Variants in STPG2 observed in about 807,000 individuals in gnomAD.
The protein encoded by STPG2 is sperm-tail PG-rich repeat-containing protein 2.
In STPG2, 56 loss-of-function variants were observed where a neutral mutation model predicts 54.2. The observed-to-expected ratio is 1.03, with a 90% CI of 0.83 to 1.29. STPG2 has a LOEUF of 1.29. Ranked by LOEUF, STPG2 falls within the 50% of genes most tolerant of loss-of-function variation. The pLI, the probability that STPG2 is intolerant of heterozygous loss-of-function variation, is 0.00. For missense variants in STPG2, 596 were observed against 544.9 expected (o/e 1.09, Z -0.93); for synonymous variants, 200 against 181.8 (o/e 1.10, Z -0.81).
intron 10 of STPG2, among the ~76,000 whole-genome samples, chr4:97,634,160 G>A (rs1306287960): frequency 1.3e-5 from 2 of 152,310 alleles, no homozygotes; most frequent in Non-Finnish European, 2.9e-5. Flanking sequence ...CGGGCAGACT[G>A]CCTCCTCAAG....
intron 5 of STPG2, among the ~76,000 whole-genome samples, chr4:98,037,204 T>C (rs1736806081): frequency 6.6e-6 from 1 of 151,962 alleles, no homozygotes; most frequent in African/African-American, 2.4e-5. Flanking sequence ...AAACCAAAAA[T>C]GGAGAACACA....
chr4:97,881,869 CA>C (rs1428415840), intron 8 of STPG2, among the ~76,000 whole-genome samples: 2 of 152,126 alleles, frequency 1.3e-5, no homozygotes, highest in Non-Finnish European at 2.9e-5. Flanking sequence ...TTTTTAATTT[CA>C]AAACTGATTT....
chr4:97,929,821 A>G (rs1445802037), intron 8 of STPG2, among the ~76,000 whole-genome samples: 1 of 152,158 alleles, frequency 6.6e-6, no homozygotes, highest in African/African-American at 2.4e-5. Context: ...CCCATTCTGT[A>G]GGCTGTCTGC....
intron 9 of STPG2, among the ~76,000 whole-genome samples, chr4:97,761,653 T>A (rs1174933410): frequency 6.6e-6 from 1 of 152,154 alleles, no homozygotes; most frequent in Admixed American, 6.5e-5. Flanking sequence ...CATGGATATC[T>A]TGGGAAGCTA....
intron 7 of STPG2, among the ~76,000 whole-genome samples, chr4:97,950,411 T>A (rs541801165): frequency 1.3e-5 from 2 of 152,224 alleles, no homozygotes; most frequent in Non-Finnish European, 2.9e-5. Flanking sequence ...CCACATTTTG[T>A]AATTCCCTAA....
At chr4:98,072,522 C>T (rs568479678) in intron 5 of STPG2, among the ~76,000 whole-genome samples, 4 of 151,404 alleles carry the variant, frequency 2.6e-5, no homozygotes, top group Non-Finnish European at 2.9e-5. Flanking sequence ...CAAACCTGCA[C>T]ATCCTGCACA....
intron 9 of STPG2, among the ~76,000 whole-genome samples, chr4:97,765,249 A>C (rs991338033): frequency 3.3e-5 from 5 of 152,048 alleles, no homozygotes; most frequent in Non-Finnish European, 7.4e-5. Flanking sequence ...TGCTCAGAAC[A>C]CTCTTGGTGT....
intron 3 of STPG2, among the ~76,000 whole-genome samples, chr4:98,119,491 T>G (rs1425687250): frequency 6.6e-6 from 1 of 152,138 alleles, no homozygotes; most frequent in Non-Finnish European, 1.5e-5. Context: ...GAACTCTGAA[T>G]CAAAAATCTT....
chr4:97,760,992 T>C (rs1481316904), intron 9 of STPG2, among the ~76,000 whole-genome samples: 1 of 152,148 alleles, frequency 6.6e-6, no homozygotes, highest in Non-Finnish European at 1.5e-5. Flanking sequence ...TTTCTCACAA[T>C]GCATCACTCT....
At chr4:98,062,821 TATTA>T (rs1489764433) in intron 5 of STPG2, among the ~76,000 whole-genome samples, 2 of 152,102 alleles carry the variant, frequency 1.3e-5, no homozygotes. Flanking sequence ...ATCCATTGGA[TATTA>T]ATTAAATTAA....
intron 10 of STPG2, among the ~76,000 whole-genome samples, chr4:97,679,387 C>A (rs1259872364): frequency 6.6e-6 from 1 of 152,208 alleles, no homozygotes; most frequent in Non-Finnish European, 1.5e-5. Context: ...TAATGGTGAG[C>A]AATTTTTCAT....
At chr4:97,491,858 A>C (rs373075754) in intron 4 of STPG2, among the ~76,000 whole-genome samples, 6 of 151,694 alleles carry the variant, frequency 4.0e-5, no homozygotes, top group African/African-American at 1.2e-4. Flanking sequence ...ATTTGCAAAG[A>C]ACTCTTGAGT....
intron 4 of STPG2, among the ~76,000 whole-genome samples, chr4:97,511,601 C>T (rs1730973677): frequency 6.6e-6 from 1 of 151,906 alleles, no homozygotes; most frequent in South Asian, 2.1e-4. Context: ...AAGATTTAAA[C>T]ATGATTAACC....
At chr4:97,493,846 T>A (rs1217891815) in intron 4 of STPG2, among the ~76,000 whole-genome samples, 4 of 151,506 alleles carry the variant, frequency 2.6e-5, no homozygotes, top group Non-Finnish European at 5.9e-5. Context: ...AACAAACAAC[T>A]ACCCTAGTGA....
chr4:97,911,892 C>T (rs1005185758), intron 8 of STPG2, among the ~76,000 whole-genome samples: 5 of 152,024 alleles, frequency 3.3e-5, no homozygotes, highest in Non-Finnish European at 7.4e-5. Flanking sequence ...ACTGGGTGAC[C>T]TCCAACAAGA....
At chr4:98,130,090 C>T (rs774705671) in intron 2 of STPG2, among the ~76,000 whole-genome samples, 52 of 151,912 alleles carry the variant, frequency 3.4e-4, no homozygotes, top group Non-Finnish European at 5.0e-4. Flanking sequence ...GAACTCCTGA[C>T]GTCAGGTGAT....
At chr4:98,018,977 A>G (rs1484598482) in intron 5 of STPG2, among the ~76,000 whole-genome samples, 1 of 151,100 alleles carries the variant, frequency 6.6e-6, no homozygotes, top group Non-Finnish European at 1.5e-5. Flanking sequence ...TTGCCTGTTC[A>G]CTCTGATGGT....
chr4:97,836,210 C>A (rs1221012283), intron 9 of STPG2, among the ~76,000 whole-genome samples: 1 of 151,940 alleles, frequency 6.6e-6, no homozygotes, highest in Non-Finnish European at 1.5e-5. Context: ...AAGGGTCAAT[C>A]AATGTGGTTA....
intron 4 of STPG2, among the ~76,000 whole-genome samples, chr4:97,548,155 C>CAAAAT (rs1160657285): frequency 6.6e-6 from 1 of 151,560 alleles, no homozygotes; most frequent in Non-Finnish European, 1.5e-5. Flanking sequence ...TGTCTCAAAA[C>CAAAAT]AAAACAAAAC....
Sources: gnomAD v4.1 joint callset for allele counts (sites outside exome capture counted in the v4.1 genomes callset) on GRCh38, gnomAD v4.1.1 for gene constraint, MANE v1.5 for transcripts, NCBI Gene and HGNC (gene_info 2026-07-23, HGNC 2026-07-21) for gene names.